MYO1C: variants seen among roughly 807,000 people sequenced by gnomAD.
The protein encoded by MYO1C is unconventional myosin-Ic.
MYO1C carries 104 observed loss-of-function variants against 150.8 expected under a neutral mutation model. The ratio of observed to expected loss-of-function variants is 0.69; its 90% CI spans 0.59 to 0.81. The LOEUF (loss-of-function observed/expected upper bound fraction) is 0.81. MYO1C is among the 30% of genes least tolerant of loss of function. The pLI is 0.00. For missense variants in MYO1C, 1,504 were observed against 1,435.0 expected (o/e 1.05, Z -0.78); for synonymous variants, 663 against 579.9 (o/e 1.14, Z -2.06).
Position 1,484,239 on chromosome 17 carries a change from C to T in MYO1C, c.140G>A (p.Gly47Glu), listed in dbSNP as rs1270250182. Reference sequence around the variant, plus strand: ...CTCCAGCAGCACGAAATCCTGCACCCCCACCCGGTCACGGGCGGTGAGCGC... The same window carrying T: ...CTCCAGCAGCACGAAATCCTGCACCTCCACCCGGTCACGGGCGGTGAGCGC... ...ESALTARDRVGVQDFVLLENF... is the reference protein window; with the variant it reads ...ESALTARDRVEVQDFVLLENF... Residue 47 changes from glycine (G) to glutamate (E), a missense_variant, in exon 2 of 32, where the codon GGG becomes GAG. Physicochemically the swap from Gly to Glu is moderately conservative, Grantham distance 98. Transcript: ENST00000648651. The T allele has an allele frequency of 1.9e-6, 3 of 1,612,656 alleles. No individual in the cohort carries two copies. The highest frequency in any genetic ancestry group is 2.7e-5 in the African/African-American group (2 of 74,940).
rs779288323 is a variant in MYO1C, at chr17:1,480,543, G to A, written c.890C>T (p.Thr297Ile). The A allele has an allele frequency of 6.2e-7, 1 of 1,614,140 alleles. No homozygotes were observed. The highest frequency in any genetic ancestry group is 1.7e-5 in the Admixed American group (1 of 60,036). The change falls in exon 7 of 32, where the codon ACC becomes ATC. Residue 297 changes from threonine to isoleucine, a missense_variant. By Grantham distance (89) the Thr-to-Ile change is moderately conservative (BLOSUM62 -1). Transcript: ENST00000648651. ...AGGCCTCACCTCCACTTCATCCTCG[G>A]TGAAATCAATGACTGTCAGAGCCTT... is the stretch of plus-strand genomic sequence containing the variant. ...VRKALTVIDF[T>I]EDEVEDLLSI...
At position 1,480,387 on chromosome 17, in the gene MYO1C, G is replaced by A. The variant is rs2074494240; in HGVS notation, c.906+140C>T. ...TGCTTGAACCCAGGAGGCGGAGGTT[G>A]CAGTGAGCTGAGATTGCACCACTGC... On this transcript the variant is annotated intron_variant, in intron 7 of 31. Coordinates refer to ENST00000648651, the MANE Select transcript of MYO1C (RefSeq NM_001080779.2). The A allele has an allele frequency of 4.1e-5, 31 of 750,450 alleles. No individual in the cohort carries two copies. In the South Asian group the frequency reaches 4.4e-4, roughly 11 times the overall value. 46.5% of individuals were successfully genotyped at this position (750,450 alleles called of 1,614,324 possible).
At chr17:1,485,080 C>T in intron 1 of MYO1C, 1 of 1,248,342 alleles carries the variant, frequency 8.0e-7, no homozygotes, top group Non-Finnish European at 1.0e-6. Context: ...GGCACCTCCT[C>T]CACTGAGAGT....
intron 24 of MYO1C, 142 bp from the exon 25 acceptor site, chr17:1,469,756 A>T: frequency 1.3e-6 from 1 of 788,960 alleles, no homozygotes; most frequent in Non-Finnish European, 2.1e-6. Flanking sequence ...CTTACTCGGC[A>T]GGGCGCGGTG....
At chr17:1,482,399 G>A in intron 5 of MYO1C, 79 bp downstream of exon 5, 1 of 1,278,364 alleles carries the variant, frequency 7.8e-7, no homozygotes, top group Non-Finnish European at 1.1e-6. Context: ...ACCTGGAATA[G>A]TCCCTGGTAC....
Position 1,471,368 on chromosome 17 carries a change from C to T in MYO1C, c.2022-32G>A, listed in dbSNP as rs762724327. ...ACAGGAATGCACGCGGCTCCCACCC[C>T]AGTCAGCAGCCTGCCCTGGGGACCC... On this transcript the variant is annotated intron_variant, in intron 19 of 31. Transcript: ENST00000648651. 4.4e-6 allele frequency: 7 copies of T among 1,592,746 alleles called. No individual in the cohort carries two copies. In the Admixed American group the frequency reaches 1.0e-4, roughly 23 times the overall value.
In MYO1C at chr17:1,482,965, C is replaced by G. The variant is rs765640286; in HGVS notation, c.442G>C (p.Glu148Gln). Residue 148 changes from glutamate (E) to glutamine (Q), a missense_variant, in exon 4 of 32, where the codon GAG becomes CAG. Glu to Gln is a conservative substitution (Grantham distance 29, BLOSUM62 2). Transcript: ENST00000648651. ...AACTGCAGCAGCCTCTTGGTGGCCT[C>G]GGTCTTGCCTGCCCCGCTCTCCCCA... ...ISGESGAGKT[E>Q]ATKRLLQFYA... The G allele has an allele frequency of 1.2e-6, 2 of 1,612,170 alleles. No individual in the cohort carries two copies. The highest frequency in any genetic ancestry group is 1.1e-5 in the South Asian group (1 of 90,984).
Position 1,480,644 on chromosome 17 carries a change from T to C in MYO1C, c.808-19A>G. The stretch of plus-strand genomic sequence containing the variant: ...ACTGGCCCTGGAGGAAGGGCACAGC[T>C]GGGTTGCCAGCCCTGGCACCAGATC... On this transcript the variant is annotated intron_variant, in intron 6 of 31. Transcript: ENST00000648651. 1 of 1,614,060 alleles carries C rather than the reference T, an allele frequency of 6.2e-7. No homozygotes were observed. The highest frequency in any genetic ancestry group is 1.1e-5 in the South Asian group (1 of 91,076).
At chr17:1,492,129 C>CGG (rs2074742373) in intron 1 of MYO1C, 1 of 476,116 alleles carries the variant, frequency 2.1e-6, no homozygotes, top group Admixed American at 3.4e-5. Flanking sequence ...TCACAGCAGC[C>CGG]GGCACTTGCC....
Position 1,486,452 on chromosome 17 carries a change from A to G in MYO1C, c.76-2149T>C, listed in dbSNP as rs973525150. 1.7e-4 allele frequency among the ~76,000 whole-genome samples: 25 copies of G among 150,540 alleles called. 1 individual carries two copies. The highest frequency in any genetic ancestry group is 1.3e-3 in the Admixed American group (19 of 15,144). On this transcript the variant is annotated intron_variant, in intron 1 of 31. Coordinates refer to ENST00000648651, the MANE Select transcript of MYO1C (RefSeq NM_001080779.2). ...CCCGCCCACGGCATTTGGGGCCCAC[A>G]GCCTCTCCCCACCCGGGACACCCCA... is the stretch of plus-strand genomic sequence containing the variant.
At chr17:1,474,774 T>TGCC in intron 16 of MYO1C, 38 bp downstream of exon 16, 3 of 1,597,372 alleles carry the variant, frequency 1.9e-6, no homozygotes, top group Non-Finnish European at 2.6e-6. Context: ...CTGTGGGCTA[T>TGCC]CCCCACCCCC....
chr17:1,489,363 T>TG, intron 1 of MYO1C, among the ~76,000 whole-genome samples: 1 of 152,286 alleles, frequency 6.6e-6, no homozygotes, highest in East Asian at 1.9e-4. Context: ...CACCTCTGCC[T>TG]GGGGGGTCCA....
Position 1,478,541 on chromosome 17 carries a change from C to A in MYO1C, c.1213-49G>T. On this transcript the variant is annotated intron_variant, in intron 10 of 31. Coordinates refer to ENST00000648651, the MANE Select transcript of MYO1C (RefSeq NM_001080779.2). This position sits in a 1 kb window ranked among gnomAD's most constrained non-coding sequence, Gnocchi z 6.3. ...GCGTGGGCCCCCTGCGCGTGCCAGC[C>A]CCACCCTGCAGCACCCCCCGCCTCG... The A allele has an allele frequency of 6.2e-7, 1 of 1,613,806 alleles. No homozygotes were observed. The highest frequency in any genetic ancestry group is 8.5e-7 in the Non-Finnish European group (1 of 1,179,932).
chr17:1,490,314 G>A (rs921254047), intron 1 of MYO1C, among the ~76,000 whole-genome samples: 3 of 147,180 alleles, frequency 2.0e-5, no homozygotes, highest in South Asian at 2.2e-4. Context: ...TGGCTAACAC[G>A]GTGAAACCCC....
At position 1,471,899 on chromosome 17, in the gene MYO1C, G is replaced by GC; in HGVS notation, c.2021+7dup. 6.2e-7 allele frequency: 1 copy of GC among 1,613,612 alleles called. No homozygotes were observed. ...CCTTCCCTGGCACCGAGCAGGACCT[G>GC]CCCCCACCTTTGCAGGAAAGCTTCG... On this transcript the variant is annotated splice_region_variant and intron_variant, in intron 19 of 31. Coordinates refer to ENST00000648651, the MANE Select transcript of MYO1C (RefSeq NM_001080779.2).
At position 1,480,557 on chromosome 17, in the gene MYO1C, T is replaced by C; in HGVS notation, c.876A>G (p.Thr292=). 1.9e-6 allele frequency: 3 copies of C among 1,614,148 alleles called. No homozygotes were observed. Among genetic ancestry groups the C allele is most frequent in the Non-Finnish European group, 8.5e-7 (1 of 1,180,026 alleles). Residue 292 remains threonine, a synonymous_variant, in exon 7 of 32, where the codon ACA becomes ACG. Transcript: ENST00000648651. Reference sequence around the variant, plus strand: ...CTTCATCCTCGGTGAAATCAATGACTGTCAGAGCCTTCCTGACGACCTTCC... The same window carrying C: ...CTTCATCCTCGGTGAAATCAATGACCGTCAGAGCCTTCCTGACGACCTTCC... ...SDWKVVRKAL[T]VIDFTEDEVE...
At position 1,475,050 on chromosome 17, in the gene MYO1C, G is replaced by A. The variant is rs1320076186; in HGVS notation, c.1575-18C>T. 1.3e-6 allele frequency: 2 copies of A among 1,550,428 alleles called. No individual in the cohort carries two copies. Among genetic ancestry groups the A allele is most frequent in the East Asian group, 2.4e-5 (1 of 40,916 alleles). On this transcript the variant is annotated intron_variant, in intron 14 of 31. Transcript: ENST00000648651. ...GCTTGTGCCTGGGGGTGACAGGGAG[G>A]AAGCTGCAGATGGCTGCCGGCCTGA...
At chr17:1,474,489 C>G in intron 17 of MYO1C, 121 bp downstream of exon 17, 1 of 1,003,330 alleles carries the variant, frequency 1.0e-6, no homozygotes, top group Non-Finnish European at 1.6e-6. Context: ...CCTACAGACA[C>G]CTGCAGATGT....
chr17:1,469,085 G>A (rs1004637820), intron 25 of MYO1C: 2 of 310,206 alleles, frequency 6.4e-6, no homozygotes, highest in Non-Finnish European at 6.3e-6. Flanking sequence ...TCCAACTGAG[G>A]TCACCGGTAG....
Sources: gnomAD v4.1 joint callset for allele counts (sites outside exome capture counted in the v4.1 genomes callset) on GRCh38, gnomAD v4.1.1 for gene constraint, Gnocchi (gnomAD v3.1) non-coding constraint, MANE v1.5 for transcripts, NCBI Gene and HGNC (gene_info 2026-07-23, HGNC 2026-07-21) for gene names.